The following SLC2A13 variants were observed in gnomAD, a reference collection of about 807,000 sequenced individuals.
SLC2A13 encodes proton myo-inositol cotransporter.
In SLC2A13, 32 loss-of-function variants were observed where a neutral mutation model predicts 64.4. The observed-to-expected ratio is 0.50, with a 90% CI of 0.37 to 0.67. The LOEUF (loss-of-function observed/expected upper bound fraction) is 0.67. SLC2A13 is among the 30% of genes least tolerant of loss of function. The pLI, the probability that SLC2A13 is intolerant of heterozygous loss-of-function variation, is 0.00. For missense variants in SLC2A13, 743 were observed against 829.2 expected, an observed-to-expected ratio of 0.90 and a Z score of 1.28; for synonymous variants, 338 against 327.1, an observed-to-expected ratio of 1.03 and a Z score of -0.36.
chr12:40,079,751 T>C (rs60755503), intron 1 of SLC2A13, among the ~76,000 whole-genome samples: 2,580 of 152,356 alleles, frequency 0.017, 89 homozygotes, highest in African/African-American at 0.058. Flanking sequence ...CATAGGTCTC[T>C]TACAAACTTG....
intron 1 of SLC2A13, among the ~76,000 whole-genome samples, chr12:40,052,676 T>TG (rs1217739269): frequency 1.3e-5 from 2 of 152,312 alleles, no homozygotes; most frequent in East Asian, 3.9e-4. Flanking sequence ...TTTTAGTTGC[T>TG]GGACTATATT....
At chr12:39,780,947 A>G (rs1203691020) in intron 7 of SLC2A13, among the ~76,000 whole-genome samples, 2 of 152,256 alleles carry the variant, frequency 1.3e-5, no homozygotes, top group Admixed American at 1.3e-4. Flanking sequence ...TTACTGACAT[A>G]TAAGAGCTTT....
intron 5 of SLC2A13, among the ~76,000 whole-genome samples, chr12:39,867,199 T>G (rs1334644610): frequency 6.6e-6 from 1 of 152,228 alleles, no homozygotes; most frequent in Non-Finnish European, 1.5e-5. Flanking sequence ...CATCCATATC[T>G]TATTGCCATG....
At chr12:39,995,846 G>A (rs376991402) in intron 3 of SLC2A13, among the ~76,000 whole-genome samples, 21 of 152,270 alleles carry the variant, frequency 1.4e-4, no homozygotes, top group African/African-American at 3.9e-4. Context: ...ACAAGCTGCC[G>A]CTCTTTGCCT....
intron 1 of SLC2A13, among the ~76,000 whole-genome samples, chr12:40,092,030 T>TA (rs1353399075): frequency 5.9e-5 from 9 of 152,200 alleles, no homozygotes; most frequent in African/African-American, 2.2e-4. Context: ...GACTGTGTCT[T>TA]ACATATTTTT....
At chr12:40,047,694 A>G (rs943899653) in intron 2 of SLC2A13, among the ~76,000 whole-genome samples, 10 of 152,354 alleles carry the variant, frequency 6.6e-5, no homozygotes, top group Admixed American at 3.9e-4. Context: ...GATGTTAGTT[A>G]TATCTGTAGT....
intron 7 of SLC2A13, among the ~76,000 whole-genome samples, chr12:39,819,540 T>C (rs1942430923): frequency 6.6e-6 from 1 of 152,172 alleles, no homozygotes; most frequent in African/African-American, 2.4e-5. Flanking sequence ...ATTTACACAT[T>C]CTACAATAAA....
At chr12:39,997,883 G>A (rs1947258914) in intron 3 of SLC2A13, among the ~76,000 whole-genome samples, 1 of 152,100 alleles carries the variant, frequency 6.6e-6, no homozygotes, top group Admixed American at 6.5e-5. Context: ...GATGTTGATG[G>A]GGATGCAGTG....
intron 3 of SLC2A13, among the ~76,000 whole-genome samples, chr12:40,025,521 T>C (rs1947789364): frequency 6.6e-6 from 1 of 152,250 alleles, no homozygotes; most frequent in African/African-American, 2.4e-5. Context: ...CATGGTTTAC[T>C]GATCCAGAAT....
intron 7 of SLC2A13, among the ~76,000 whole-genome samples, chr12:39,811,623 A>AT (rs1290953599): frequency 1.3e-5 from 2 of 151,848 alleles, no homozygotes; most frequent in Non-Finnish European, 2.9e-5. Flanking sequence ...TTTTGTGAAA[A>AT]TTTTTTTTAC....
chr12:39,896,596 A>C (rs929924616), intron 4 of SLC2A13, among the ~76,000 whole-genome samples: 5 of 151,210 alleles, frequency 3.3e-5, no homozygotes, highest in African/African-American at 1.2e-4. Flanking sequence ...ATGTATACAT[A>C]TATGTATGTA....
At chr12:39,949,984 G>A (rs1401065289) in intron 4 of SLC2A13, 1 of 152,086 alleles carries the variant, frequency 6.6e-6, no homozygotes, top group East Asian at 1.9e-4. Flanking sequence ...AGCTGGTAAA[G>A]GTGAGAAAAA....
At chr12:40,102,315 C>G (rs1939177706) in intron 1 of SLC2A13, among the ~76,000 whole-genome samples, 1 of 152,194 alleles carries the variant, frequency 6.6e-6, no homozygotes, top group Non-Finnish European at 1.5e-5. Context: ...TTTCATTAAA[C>G]TATTACAACC....
chr12:39,917,636 A>G (rs1363750518), intron 4 of SLC2A13, among the ~76,000 whole-genome samples: 1 of 151,960 alleles, frequency 6.6e-6, no homozygotes, highest in African/African-American at 2.4e-5. Flanking sequence ...TGAACATCTT[A>G]TCTCCTCCTG....
At chr12:39,963,156 G>C (rs946874926) in intron 3 of SLC2A13, among the ~76,000 whole-genome samples, 1 of 151,850 alleles carries the variant, frequency 6.6e-6, no homozygotes, top group Admixed American at 6.6e-5. Context: ...GCATGGTGGC[G>C]GGCGCCTGTA....
At chr12:39,894,483 G>T (rs919804680) in intron 4 of SLC2A13, among the ~76,000 whole-genome samples, 1 of 151,636 alleles carries the variant, frequency 6.6e-6, no homozygotes, top group Non-Finnish European at 1.5e-5. Flanking sequence ...ATAACAAACA[G>T]GGATAAAATT....
chr12:40,022,155 G>A (rs1214872346), intron 3 of SLC2A13, among the ~76,000 whole-genome samples: 2 of 152,158 alleles, frequency 1.3e-5, no homozygotes, highest in African/African-American at 4.8e-5. Context: ...TCCTGAATAA[G>A]TTCTCTTCCC....
intron 3 of SLC2A13, among the ~76,000 whole-genome samples, chr12:39,964,390 G>A (rs192509480): frequency 2.7e-4 from 41 of 152,282 alleles, no homozygotes; most frequent in African/African-American, 7.9e-4. Context: ...AAAGCATTAC[G>A]TTCATGGAAG....
intron 3 of SLC2A13, among the ~76,000 whole-genome samples, chr12:39,959,226 G>A (rs1946367840): frequency 6.6e-6 from 1 of 152,192 alleles, no homozygotes; most frequent in Non-Finnish European, 1.5e-5. Context: ...TGATGTTTGT[G>A]ATTACAAGCT....
Sources: gnomAD v4.1 joint callset for allele counts (sites outside exome capture counted in the v4.1 genomes callset) on GRCh38, gnomAD v4.1.1 for gene constraint, MANE v1.5 for transcripts, NCBI Gene and HGNC (gene_info 2026-07-23, HGNC 2026-07-21) for gene names.